PLAGL1: variants seen among roughly 807,000 people sequenced by gnomAD.
The protein encoded by PLAGL1 is zinc finger protein PLAGL1.
Under a neutral mutation model 4.6 loss-of-function variants are expected in PLAGL1, and 1 was observed. That is an observed-to-expected ratio of 0.22 (90% CI 0.08 to 1.03). The LOEUF (loss-of-function observed/expected upper bound fraction) is 1.03. Ranked by LOEUF, PLAGL1 falls within the 50% of genes least tolerant of loss-of-function variation. The pLI is 0.58. For missense variants in PLAGL1, 464 were observed against 570.4 expected, an observed-to-expected ratio of 0.81 and a Z score of 1.90; for synonymous variants, 240 against 237.8, an observed-to-expected ratio of 1.01 and a Z score of -0.08.
chr6:144,027,223 C>CAAAGAATGAAAGAAAGAAAG lies in PLAGL1; in HGVS notation c.-151+37244_-151+37245insCTTTCTTTCTTTCATTCTTT, dbSNP rs1194756749. On this transcript the variant is annotated intron_variant, in intron 1 of 3. Coordinates refer to the PLAGL1 transcript ENST00000437412. The surrounding 1 kb of genome is among the most constrained non-coding windows in gnomAD (Gnocchi z 5.8). ...TGGGTGACAGAGAAAGACCCCAACT[C>CAAAGAATGAAAGAAAGAAAG]AAAGAACGAACGAAAGAAAGAAAGA... Among the ~76,000 whole-genome samples the CAAAGAATGAAAGAAAGAAAG allele has an allele frequency of 7.2e-5, 7 of 96,702 alleles. No individual in the cohort carries two copies. The highest frequency in any genetic ancestry group is 4.2e-4 in the African/African-American group (7 of 16,586). The allele number at this position is 96,702 out of a possible 152,430, so 63.4% of individuals were successfully genotyped here.
intron 1 of PLAGL1, among the ~76,000 whole-genome samples, chr6:144,042,330 C>T (rs533874847): frequency 6.6e-6 from 1 of 152,044 alleles, no homozygotes; most frequent in East Asian, 1.9e-4. Flanking sequence ...GTCTTTAATC[C>T]ATCTTGAATT....
At position 143,942,564 on chromosome 6, in the gene PLAGL1, G is replaced by A. The variant is rs764320213; in HGVS notation, c.252C>T (p.His84=). The A allele has an allele frequency of 1.2e-5, 19 of 1,614,002 alleles. No homozygotes were observed. The highest frequency in any genetic ancestry group is 1.6e-4 in the Middle Eastern group (1 of 6,084). ...KDHLKNHLQT[H]DPNKMAFGCE... ...ACCCAAAGGCCATTTTGTTGGGGTC[G>A]TGGGTCTGGAGGTGGTTTTTCAGGT... Residue 84 remains histidine, a synonymous_variant, in exon 8 of 8, where the codon CAC becomes CAT. Coordinates refer to ENST00000674357, the MANE Select transcript of PLAGL1 (RefSeq NM_001317162.2). This position sits in a 1 kb window ranked among gnomAD's most constrained non-coding sequence, Gnocchi z 7.6.
intron 1 of PLAGL1, among the ~76,000 whole-genome samples, chr6:144,035,574 C>T (rs932874756): frequency 6.6e-6 from 1 of 152,186 alleles, no homozygotes; most frequent in African/African-American, 2.4e-5. Context: ...TGTTAATCGT[C>T]TTTGGCAACA....
intron 2 of PLAGL1, among the ~76,000 whole-genome samples, chr6:143,981,534 GC>G (rs1359159748): frequency 4.6e-5 from 7 of 152,058 alleles, no homozygotes; most frequent in Non-Finnish European, 1.0e-4. Context: ...TTTGGGTTCT[GC>G]CTTCCTGCAC....
Position 144,034,064 on chromosome 6 carries a change from A to G in PLAGL1, c.-151+30404T>C, listed in dbSNP as rs1797037904. 6.6e-6 allele frequency among the ~76,000 whole-genome samples: 1 copy of G among 152,260 alleles called. No homozygotes were observed. Reference sequence around the variant, plus strand: ...TACAGACATGGTCTCCATGTAGTACATATAAAACTGCAGACTTCAATTTTC... The same window carrying G: ...TACAGACATGGTCTCCATGTAGTACGTATAAAACTGCAGACTTCAATTTTC... On this transcript the variant is annotated intron_variant, in intron 1 of 3. Transcript: ENST00000437412. The surrounding 1 kb of genome is among the most constrained non-coding windows in gnomAD (Gnocchi z 4.7).
intron 1 of PLAGL1, among the ~76,000 whole-genome samples, chr6:144,051,870 A>C (rs994805337): frequency 3.3e-5 from 5 of 152,192 alleles, no homozygotes; most frequent in African/African-American, 1.2e-4. Context: ...ATCACCTCCC[A>C]CTGGGTTACT....
At position 144,000,273 on chromosome 6, in the gene PLAGL1, A is replaced by C. The variant is rs1792569335; in HGVS notation, c.-584+7817T>G. Among the ~76,000 whole-genome samples, 8 of 152,158 alleles carry C rather than the reference A, an allele frequency of 5.3e-5. No homozygotes were observed. Among genetic ancestry groups the C allele is most frequent in the Admixed American group, 1.3e-4 (2 of 15,282 alleles). ...TTGTACTGGTTGTCCTAGCCAGTGAAATTAGACATAAACAAAAGAATAAGA... is the reference window on the plus strand; with the variant it reads ...TTGTACTGGTTGTCCTAGCCAGTGACATTAGACATAAACAAAAGAATAAGA... On this transcript the variant is annotated intron_variant, in intron 1 of 7. Transcript: ENST00000674357. This position sits in a 1 kb window ranked among gnomAD's most constrained non-coding sequence, Gnocchi z 4.1.
rs892600035 is a variant in PLAGL1 at position 143,994,974 on chromosome 6, A to G, written c.-583-9800T>C. Among the ~76,000 whole-genome samples the G allele has an allele frequency of 4.6e-5, 7 of 152,212 alleles. No homozygotes were observed. Among genetic ancestry groups the G allele is most frequent in the Admixed American group, 3.3e-4 (5 of 15,280 alleles). On this transcript the variant is annotated intron_variant, in intron 1 of 7. Transcript: ENST00000674357. This position sits in a 1 kb window ranked among gnomAD's most constrained non-coding sequence, Gnocchi z 4.3. ...TCTATCTTGTCATCATCTAATGGGA[A>G]CAATTAAGAGACAATAAGATAGAAC...
chr6:143,993,143 C>T (rs972473416), intron 1 of PLAGL1, among the ~76,000 whole-genome samples: 4 of 151,646 alleles, frequency 2.6e-5, no homozygotes, highest in Admixed American at 6.6e-5. Context: ...CCCACCTCTA[C>T]TAAAAATAGA....
intron 1 of PLAGL1, among the ~76,000 whole-genome samples, chr6:144,031,986 G>A (rs1358064062): frequency 1.3e-5 from 2 of 152,168 alleles, no homozygotes; most frequent in Non-Finnish European, 2.9e-5. Context: ...GCATGAGCAT[G>A]GGATGTGTTT....
At chr6:144,057,588 A>T (rs768675249) in intron 1 of PLAGL1, among the ~76,000 whole-genome samples, 48 of 152,142 alleles carry the variant, frequency 3.2e-4, no homozygotes, top group Non-Finnish European at 5.6e-4. Context: ...CCAAACCCAC[A>T]AGCTGATAAA....
chr6:143,969,740 G>A (rs533698186), intron 2 of PLAGL1, among the ~76,000 whole-genome samples: 1 of 152,030 alleles, frequency 6.6e-6, no homozygotes, highest in African/African-American at 2.4e-5. Context: ...GTGAAGAGGG[G>A]GAGGGAAGAA....
chr6:143,995,964 T>A lies in PLAGL1; in HGVS notation c.-583-10790A>T, dbSNP rs1375936223. On this transcript the variant is annotated intron_variant, in intron 1 of 7. Transcript: ENST00000674357. This position sits in a 1 kb window ranked among gnomAD's most constrained non-coding sequence, Gnocchi z 4.4. ...ACCTCTAATCTTTTTTCCAAAAATATCAAGGATAAAGGATGGTCAGGAGCT... is the reference window on the plus strand; with the variant it reads ...ACCTCTAATCTTTTTTCCAAAAATAACAAGGATAAAGGATGGTCAGGAGCT... Among the ~76,000 whole-genome samples the A allele has an allele frequency of 6.6e-6, 1 of 152,188 alleles. No individual in the cohort carries two copies. The highest frequency in any genetic ancestry group is 1.5e-5 in the Non-Finnish European group (1 of 68,014).
At chr6:144,047,627 C>T (rs995219676) in intron 1 of PLAGL1, among the ~76,000 whole-genome samples, 26 of 152,110 alleles carry the variant, frequency 1.7e-4, no homozygotes, top group Non-Finnish European at 7.4e-5. Context: ...AACTCACTCA[C>T]TATCACAAGA....
At position 144,036,038 on chromosome 6, in the gene PLAGL1, C is replaced by T. The variant is rs1385966781; in HGVS notation, c.-151+28430G>A. Among the ~76,000 whole-genome samples, 3 of 152,104 alleles carry T rather than the reference C, an allele frequency of 2.0e-5. No homozygotes were observed. The highest frequency in any genetic ancestry group is 7.2e-5 in the African/African-American group (3 of 41,430). On this transcript the variant is annotated intron_variant, in intron 1 of 3. Transcript: ENST00000437412. The surrounding 1 kb of genome is among the most constrained non-coding windows in gnomAD (Gnocchi z 5.1). ...GCCATCTGATTACGTGTGGCTTAGC[C>T]TGGAAACCCTCAATGCAGGACTCCA...
chr6:143,951,165 G>A (rs1421584658), intron 6 of PLAGL1, among the ~76,000 whole-genome samples: 1 of 152,186 alleles, frequency 6.6e-6, no homozygotes, highest in African/African-American at 2.4e-5. Context: ...CCTGATGTAT[G>A]TAAACAGGCT....
rs1302631309 is a variant in PLAGL1 at position 143,973,255 on chromosome 6, C to T, written c.-543-4277G>A. Among the ~76,000 whole-genome samples, 1 of 152,214 alleles carries T rather than the reference C, an allele frequency of 6.6e-6. No individual in the cohort carries two copies. The highest frequency in any genetic ancestry group is 2.4e-5 in the African/African-American group (1 of 41,458). ...ACAAAGAGATCAAAGGCCCACCTCT[C>T]TTTCCCTCCATTGCTTTCATTAGGC... On this transcript the variant is annotated intron_variant, in intron 2 of 7. Coordinates refer to ENST00000674357, the MANE Select transcript of PLAGL1 (RefSeq NM_001317162.2). This position sits in a 1 kb window ranked among gnomAD's most constrained non-coding sequence, Gnocchi z 6.2.
Position 143,958,368 on chromosome 6 carries a change from A to G in PLAGL1, c.-325+2101T>C, listed in dbSNP as rs919125394. Among the ~76,000 whole-genome samples, 3 of 152,208 alleles carry G rather than the reference A, an allele frequency of 2.0e-5. No individual in the cohort carries two copies. The highest frequency in any genetic ancestry group is 4.4e-5 in the Non-Finnish European group (3 of 68,040). On this transcript the variant is annotated intron_variant, in intron 6 of 7. Transcript: ENST00000674357. The surrounding 1 kb of genome is among the most constrained non-coding windows in gnomAD (Gnocchi z 5.1). The stretch of plus-strand genomic sequence containing the variant: ...TCGGATTACCCTAGACACAAATTTG[A>G]TGGGCAGTTTTAAAGTAACGTGCAG...
chr6:143,994,390 T>C lies in PLAGL1; in HGVS notation c.-583-9216A>G, dbSNP rs1219582179. Among the ~76,000 whole-genome samples, 3 of 152,224 alleles carry C rather than the reference T, an allele frequency of 2.0e-5. No homozygotes were observed. The highest frequency in any genetic ancestry group is 2.9e-5 in the Non-Finnish European group (2 of 68,034). On this transcript the variant is annotated intron_variant, in intron 1 of 7. Transcript: ENST00000674357. The surrounding 1 kb of genome is among the most constrained non-coding windows in gnomAD (Gnocchi z 4.3). ...ATATGAACATCTTTCCTCCGCTGTT[T>C]AAAAGCAATTTTCTAGATTGCAGTT...
Sources: allele counts gnomAD v4.1 joint callset (sites outside exome capture counted in the v4.1 genomes callset), GRCh38; gene constraint gnomAD v4.1.1; non-coding constraint Gnocchi (gnomAD v3.1); transcripts MANE v1.5; gene names NCBI Gene and HGNC (gene_info 2026-07-23, HGNC 2026-07-21).